RAP1GAP2: variants seen among roughly 807,000 people sequenced by gnomAD.
The protein encoded by RAP1GAP2 is RAP1 GTPase activating protein 2.
Under a neutral mutation model 95.0 loss-of-function variants are expected in RAP1GAP2, and 27 were observed. That is an observed-to-expected ratio of 0.28 (90% confidence interval 0.21 to 0.39). The LOEUF (loss-of-function observed/expected upper bound fraction) is 0.39, where lower values mean the gene tolerates loss of function less well. RAP1GAP2 is among the 10% of genes least tolerant of loss of function. RAP1GAP2 has a pLI of 1.00. For synonymous variants in RAP1GAP2, 373 were observed against 380.9 expected (o/e 0.98, Z 0.24); for missense variants, 771 against 970.0 (o/e 0.79, Z 2.72).
At chr17:2,995,565 G>T (rs996699106) in intron 13 of RAP1GAP2, 99 bp downstream of exon 13, 1 of 1,491,450 alleles carries the variant, frequency 6.7e-7, no homozygotes, top group African/African-American at 1.4e-5. Flanking sequence ...CCCCATATTC[G>T]TTCCCGTAGC....
At chr17:2,968,486 G>T (rs1034656411) in intron 8 of RAP1GAP2, among the ~76,000 whole-genome samples, 1 of 152,086 alleles carries the variant, frequency 6.6e-6, no homozygotes, top group African/African-American at 2.4e-5. Flanking sequence ...AAATCAAAAT[G>T]ACTCACCCAT....
intron 3 of RAP1GAP2, among the ~76,000 whole-genome samples, chr17:2,925,865 C>G (rs1391244380): frequency 6.6e-6 from 1 of 152,026 alleles, no homozygotes; most frequent in Non-Finnish European, 1.5e-5. Context: ...CAGGCCAGGC[C>G]CGGTGGCTCA....
chr17:2,831,376 C>T (rs1368377911), intron 2 of RAP1GAP2, among the ~76,000 whole-genome samples: 5 of 151,482 alleles, frequency 3.3e-5, no homozygotes, highest in African/African-American at 1.2e-4. Flanking sequence ...CATGCCCAGC[C>T]TCCTATTTCT....
At chr17:2,998,190 G>A in intron 13 of RAP1GAP2, 31 bp from the exon 14 acceptor site, 1 of 1,603,100 alleles carries the variant, frequency 6.2e-7, no homozygotes. Flanking sequence ...TTTCCTAACT[G>A]GCTTATAACC....
rs147793197 is a variant in RAP1GAP2, at chr17:2,988,459, A to G, written c.814-2838A>G. 3.9e-5 allele frequency among the ~76,000 whole-genome samples: 6 copies of G among 152,348 alleles called. No homozygotes were observed. The East Asian group carries it at 1.2e-3, about 29-fold the overall frequency. The stretch of plus-strand genomic sequence containing the variant: ...AACATTGTTATTTCAAAAATGGTAT[A>G]TAAATGTAGTCATATAGTGTATAAC... On this transcript the variant is annotated intron_variant, in intron 11 of 24. Transcript: ENST00000254695.
chr17:2,996,607 C>T (rs574463471), intron 13 of RAP1GAP2, among the ~76,000 whole-genome samples: 7 of 152,306 alleles, frequency 4.6e-5, no homozygotes, highest in East Asian at 3.9e-4. Context: ...CAACCTTTCA[C>T]CTCCAGCCCC....
At chr17:2,766,593 G>A (rs928817592) in intron 1 of RAP1GAP2, among the ~76,000 whole-genome samples, 3 of 151,936 alleles carry the variant, frequency 2.0e-5, no homozygotes, top group African/African-American at 7.3e-5. Flanking sequence ...TCAGGTGACA[G>A]AGAAAGACTC....
chr17:3,026,209 A>G lies in RAP1GAP2; in HGVS notation c.1865+88A>G, dbSNP rs139771008. Reference sequence around the variant, plus strand: ...GCCTCCTGGCCAGCTGAGAGTGGCCATCTCCTGCCTCTGGAACTCTCCAGA... The same window carrying G: ...GCCTCCTGGCCAGCTGAGAGTGGCCGTCTCCTGCCTCTGGAACTCTCCAGA... On this transcript the variant is annotated intron_variant, in intron 20 of 24. Coordinates refer to ENST00000254695, the MANE Select transcript of RAP1GAP2 (RefSeq NM_015085.5). 1.7e-4 allele frequency: 221 copies of G among 1,318,556 alleles called. No homozygotes were observed. In the East Asian group the frequency reaches 5.3e-3, roughly 31 times the overall value. 81.7% of individuals were successfully genotyped at this position (1,318,556 alleles called of 1,614,324 possible). A position where few individuals can be genotyped will look rare whatever the true frequency, so the allele number is the denominator to read the frequency against.
intron 2 of RAP1GAP2, among the ~76,000 whole-genome samples, chr17:2,898,960 T>C (rs897122799): frequency 1.4e-5 from 2 of 139,366 alleles, no homozygotes; most frequent in Non-Finnish European, 3.0e-5. Context: ...GATTAGCGAT[T>C]GCATCCCGTT....
intron 10 of RAP1GAP2, among the ~76,000 whole-genome samples, chr17:2,983,375 T>G (rs2045442366): frequency 6.6e-6 from 1 of 152,200 alleles, no homozygotes; most frequent in Non-Finnish European, 1.5e-5. Context: ...CTTTGGACGC[T>G]AAACACGTTT....
At chr17:2,988,191 C>CA (rs1567861227) in intron 11 of RAP1GAP2, among the ~76,000 whole-genome samples, 1 of 147,612 alleles carries the variant, frequency 6.8e-6, no homozygotes, top group African/African-American at 2.6e-5. Flanking sequence ...GCTGGAGCAA[C>CA]GAGCGAAACT....
intron 11 of RAP1GAP2, among the ~76,000 whole-genome samples, chr17:2,990,100 C>G (rs1419446544): frequency 6.6e-6 from 1 of 152,222 alleles, no homozygotes; most frequent in African/African-American, 2.4e-5. Flanking sequence ...AAATAATATT[C>G]CATTGTGTGG....
intron 21 of RAP1GAP2, 43 bp from the exon 22 acceptor site, chr17:3,026,900 TG>T: frequency 6.5e-7 from 1 of 1,535,694 alleles, no homozygotes; most frequent in East Asian, 2.5e-5. Flanking sequence ...TGGGCGCAGC[TG>T]CCGAGGGTGG....
chr17:2,926,274 C>G (rs1053769632), intron 3 of RAP1GAP2, among the ~76,000 whole-genome samples: 5 of 152,176 alleles, frequency 3.3e-5, no homozygotes, highest in African/African-American at 1.2e-4. Flanking sequence ...GTGGACAGCC[C>G]CACCTCCACG....
intron 18 of RAP1GAP2, among the ~76,000 whole-genome samples, chr17:3,019,463 G>A (rs752554691): frequency 4.0e-4 from 61 of 152,156 alleles, no homozygotes; most frequent in Non-Finnish European, 7.5e-4. Context: ...CTAGCGAGCC[G>A]TAATTGGGCC....
intron 3 of RAP1GAP2, among the ~76,000 whole-genome samples, chr17:2,948,203 C>T (rs190040128): frequency 1.9e-4 from 29 of 152,300 alleles, no homozygotes; most frequent in African/African-American, 6.7e-4. Context: ...ACTCAGACAG[C>T]GTGGTTCTGT....
At chr17:2,831,158 A>T (rs376948029) in intron 2 of RAP1GAP2, among the ~76,000 whole-genome samples, 6 of 126,284 alleles carry the variant, frequency 4.8e-5, no homozygotes, top group Admixed American at 3.3e-4. Context: ...GCTCACTGCA[A>T]CCTCTGCCTC....
intron 2 of RAP1GAP2, among the ~76,000 whole-genome samples, chr17:2,845,874 A>AAAT (rs1278354471): frequency 1.4e-5 from 2 of 146,290 alleles, no homozygotes; most frequent in Admixed American, 1.4e-4. Context: ...ATAAATAAAT[A>AAAT]AAATAAAATA....
At chr17:2,940,531 C>T (rs2043456499) in intron 3 of RAP1GAP2, among the ~76,000 whole-genome samples, 2 of 152,212 alleles carry the variant, frequency 1.3e-5, no homozygotes, top group South Asian at 4.1e-4. Context: ...GGCCAGGCTG[C>T]GGGTCCCGCC....
Sources: gnomAD v4.1 joint callset for allele counts (sites outside exome capture counted in the v4.1 genomes callset) on GRCh38, gnomAD v4.1.1 for gene constraint, MANE v1.5 for transcripts, NCBI Gene and HGNC (gene_info 2026-07-23, HGNC 2026-07-21) for gene names.